ITFG1: variants seen among roughly 807,000 people sequenced by gnomAD.
The protein encoded by ITFG1 is T-cell immunomodulatory protein.
A neutral mutation model predicts 81.8 loss-of-function variants in ITFG1; 34 were observed. The observed-to-expected ratio is 0.42, with a 90% confidence interval of 0.32 to 0.55. ITFG1 has a LOEUF of 0.55. ITFG1 is among the 20% of genes least tolerant of loss of function. ITFG1 has a pLI of 0.17. For missense variants in ITFG1, 672 were observed against 755.4 expected (o/e 0.89, Z 1.29); for synonymous variants, 285 against 270.6 (o/e 1.05, Z -0.52).
intron 10 of ITFG1, among the ~76,000 whole-genome samples, chr16:47,294,828 T>C (rs1332485952): frequency 6.6e-6 from 1 of 152,194 alleles, no homozygotes; most frequent in African/African-American, 2.4e-5. Flanking sequence ...TGACTTTCTC[T>C]TTTCCAATTT....
rs889215525 is a variant in ITFG1 at position 47,221,746 on chromosome 16, T to C, written c.1375-2800A>G. Among the ~76,000 whole-genome samples the C allele has an allele frequency of 5.9e-5, 9 of 152,328 alleles. 1 individual carries two copies. The highest frequency in any genetic ancestry group is 1.9e-4 in the African/African-American group (8 of 41,586). On this transcript the variant is annotated intron_variant, in intron 13 of 17. Transcript: ENST00000320640. The stretch of plus-strand genomic sequence containing the variant: ...TTTTTGGTTGGTAAGCTATTGACTA[T>C]TGCCACAACTTCAGCTCCTGTTATT...
chr16:47,402,120 C>A (rs974056343), intron 6 of ITFG1, among the ~76,000 whole-genome samples: 1 of 152,146 alleles, frequency 6.6e-6, no homozygotes, highest in Non-Finnish European at 1.5e-5. Flanking sequence ...GACTGAATAA[C>A]CAAAATGGCA....
chr16:47,349,214 T>A (rs908099258), intron 8 of ITFG1, among the ~76,000 whole-genome samples: 3 of 152,162 alleles, frequency 2.0e-5, no homozygotes, highest in Non-Finnish European at 2.9e-5. Flanking sequence ...ATAACAATAT[T>A]AACATTACAT....
At chr16:47,312,665 G>A (rs937846127) in intron 9 of ITFG1, 5 of 152,054 alleles carry the variant, frequency 3.3e-5, no homozygotes, top group Non-Finnish European at 5.9e-5. Flanking sequence ...AAAATGCCAC[G>A]TTATCACAAA....
chr16:47,417,480 T>C (rs1041400394), intron 6 of ITFG1, among the ~76,000 whole-genome samples: 1 of 152,214 alleles, frequency 6.6e-6, no homozygotes, highest in African/African-American at 2.4e-5. Context: ...GATGTGCTAT[T>C]GAATGTTAGA....
chr16:47,390,425 G>T (rs1170697195), intron 6 of ITFG1, among the ~76,000 whole-genome samples: 1 of 152,148 alleles, frequency 6.6e-6, no homozygotes, highest in Non-Finnish European at 1.5e-5. Flanking sequence ...ACTTCGGAAT[G>T]AAATAAAACC....
chr16:47,296,960 TTAAGTC>T (rs1966992121), intron 10 of ITFG1, among the ~76,000 whole-genome samples: 1 of 152,176 alleles, frequency 6.6e-6, no homozygotes, highest in Non-Finnish European at 1.5e-5. Context: ...AGAGTCCAAT[TTAAGTC>T]TAGTGTTTGT....
At chr16:47,455,521 G>A (rs1969440265) in intron 2 of ITFG1, among the ~76,000 whole-genome samples, 1 of 151,962 alleles carries the variant, frequency 6.6e-6, no homozygotes, top group Admixed American at 6.6e-5. Context: ...CCAGCACTTT[G>A]GGAGGTGGAG....
chr16:47,159,085 AAC>A (rs1335676568), intron 16 of ITFG1, 95 bp from the exon 17 acceptor site: 15 of 540,630 alleles, frequency 2.8e-5, no homozygotes, highest in African/African-American at 2.4e-4. Flanking sequence ...TTATTAATTA[AAC>A]AGTCAATGTA....
At chr16:47,451,843 G>A (rs745760245) in intron 4 of ITFG1, among the ~76,000 whole-genome samples, 5 of 152,330 alleles carry the variant, frequency 3.3e-5, no homozygotes, top group Non-Finnish European at 7.3e-5. Context: ...AATTCGTTTT[G>A]TGAGATTTTG....
At position 47,355,696 on chromosome 16, in the gene ITFG1, T is replaced by A. The variant is rs537322242; in HGVS notation, c.802+10092A>T. On this transcript the variant is annotated intron_variant, in intron 8 of 17. Transcript: ENST00000320640. ...AAATTTACAAAAACCTACAAAAAATTTATATTCTGAAAGCTTGTTTTATTC... is the reference window on the plus strand; with the variant it reads ...AAATTTACAAAAACCTACAAAAAATATATATTCTGAAAGCTTGTTTTATTC... Among the ~76,000 whole-genome samples the A allele has an allele frequency of 1.5e-3, 231 of 152,274 alleles. 2 individuals are homozygous for A. The highest frequency in any genetic ancestry group is 5.3e-3 in the African/African-American group (222 of 41,560).
intron 14 of ITFG1, among the ~76,000 whole-genome samples, chr16:47,199,992 AGGCCATAATGTGAGTGATGGGGTGCG>A (rs1965406230): frequency 1.5e-5 from 2 of 134,210 alleles, no homozygotes; most frequent in African/African-American, 6.3e-5. Context: ...GGTGGAGCTC[AGGCCATAATGTGAGTGATGGGGTGCG>A]GCTGTAAATA....
At chr16:47,375,093 A>G (rs1333666519) in intron 7 of ITFG1, among the ~76,000 whole-genome samples, 1 of 152,214 alleles carries the variant, frequency 6.6e-6, no homozygotes, top group Non-Finnish European at 1.5e-5. Flanking sequence ...AAAATTCGAT[A>G]AATGCCTACT....
chr16:47,285,206 C>T (rs1277528679), intron 10 of ITFG1, among the ~76,000 whole-genome samples: 3 of 152,070 alleles, frequency 2.0e-5, no homozygotes, highest in Non-Finnish European at 2.9e-5. Context: ...GAGAGTCCCA[C>T]CCTATACCCT....
chr16:47,180,644 C>T (rs538899745), intron 14 of ITFG1, among the ~76,000 whole-genome samples: 35 of 152,206 alleles, frequency 2.3e-4, no homozygotes, highest in South Asian at 4.1e-4. Flanking sequence ...CTCGGCCTCC[C>T]GAGGTGCCGG....
At chr16:47,271,850 T>G (rs1438840335) in intron 10 of ITFG1, among the ~76,000 whole-genome samples, 1 of 151,846 alleles carries the variant, frequency 6.6e-6, no homozygotes, top group African/African-American at 2.4e-5. Flanking sequence ...CAGAGCGAGA[T>G]TCCATCTCAA....
intron 13 of ITFG1, among the ~76,000 whole-genome samples, chr16:47,224,592 G>A (rs1217148480): frequency 6.6e-6 from 1 of 152,102 alleles, no homozygotes; most frequent in Non-Finnish European, 1.5e-5. Context: ...ACAAACCCAG[G>A]CAATGGGAGA....
intron 10 of ITFG1, among the ~76,000 whole-genome samples, chr16:47,276,102 T>C (rs1041080777): frequency 6.6e-6 from 1 of 152,068 alleles, no homozygotes. Flanking sequence ...AATACTTACA[T>C]AGCAAGAGAT....
chr16:47,250,814 T>C (rs993353416), intron 12 of ITFG1, among the ~76,000 whole-genome samples: 1 of 152,188 alleles, frequency 6.6e-6, no homozygotes, highest in Admixed American at 6.5e-5. Context: ...ACTGGGGCAA[T>C]GGGGGTGGAC....
Sources: gnomAD v4.1 joint callset for allele counts (sites outside exome capture counted in the v4.1 genomes callset) on GRCh38, gnomAD v4.1.1 for gene constraint, MANE v1.5 for transcripts, NCBI Gene and HGNC (gene_info 2026-07-23, HGNC 2026-07-21) for gene names.